The following TMIGD3 variants were observed in gnomAD, a reference collection of about 807,000 sequenced individuals.
The protein encoded by TMIGD3 is transmembrane and immunoglobulin domain containing 3.
Under a neutral mutation model 28.1 loss-of-function variants are expected in TMIGD3, and 21 were observed. The observed-to-expected ratio is 0.75, with a 90% CI of 0.53 to 1.08. The LOEUF is 1.08. Ranked by LOEUF, TMIGD3 falls within the 50% of genes least tolerant of loss-of-function variation. TMIGD3 has a pLI of 0.00. For missense variants in TMIGD3, 416 were observed against 435.6 expected (o/e 0.96, Z 0.40); for synonymous variants, 151 against 162.1 (o/e 0.93, Z 0.52).
At chr1:111,500,119 A>C in intron 1 of TMIGD3, 1 of 1,614,112 alleles carries the variant, frequency 6.2e-7, no homozygotes, top group Non-Finnish European at 8.5e-7. Flanking sequence ...CATGTACAGC[A>C]CAAGCTGTGG....
intron 1 of TMIGD3, among the ~76,000 whole-genome samples, chr1:111,512,186 G>A (rs2100995356): frequency 6.6e-6 from 1 of 152,352 alleles, no homozygotes; most frequent in East Asian, 1.9e-4. Flanking sequence ...GTCAACCCAT[G>A]CTAGTGGGTA....
chr1:111,533,821 TG>T (rs1180378767), intron 1 of TMIGD3, among the ~76,000 whole-genome samples: 1 of 152,178 alleles, frequency 6.6e-6, no homozygotes, highest in Admixed American at 6.6e-5. Context: ...CCTAAAGTGC[TG>T]GGATTATAAG....
chr1:111,536,206 T>C (rs1656634876), intron 1 of TMIGD3, among the ~76,000 whole-genome samples: 1 of 151,280 alleles, frequency 6.6e-6, no homozygotes, highest in African/African-American at 2.4e-5. Context: ...GAAATAGGCC[T>C]AAAGAGTTGG....
At chr1:111,527,899 A>T (rs989489353) in intron 1 of TMIGD3, among the ~76,000 whole-genome samples, 1 of 146,858 alleles carries the variant, frequency 6.8e-6, no homozygotes, top group Non-Finnish European at 1.5e-5. Flanking sequence ...TTTGGATAAC[A>T]GTCTCCTGTA....
At chr1:111,524,092 C>G (rs1229637942) in intron 1 of TMIGD3, among the ~76,000 whole-genome samples, 2 of 143,152 alleles carry the variant, frequency 1.4e-5, no homozygotes, top group African/African-American at 5.2e-5. Context: ...TGCAGTGGCG[C>G]GATCTCGGCT....
chr1:111,563,561 A>G (rs2101050391), intron 1 of TMIGD3, among the ~76,000 whole-genome samples: 1 of 152,320 alleles, frequency 6.6e-6, no homozygotes, highest in East Asian at 1.9e-4. Flanking sequence ...TCAGTGATCG[A>G]AGGTGTAGGG....
upstream of TMIGD3, among the ~76,000 whole-genome samples, chr1:111,507,779 C>A (rs1655560255): frequency 6.6e-6 from 1 of 152,224 alleles, no homozygotes; most frequent in African/African-American, 2.4e-5. Context: ...TCCCCAAAGC[C>A]TTACATTTTT....
chr1:111,500,129 G>A (rs1655089707), intron 1 of TMIGD3: 1 of 1,613,970 alleles, frequency 6.2e-7, no homozygotes, highest in Non-Finnish European at 8.5e-7. Flanking sequence ...ACAAGCTGTG[G>A]TACCTCACCA....
Position 111,488,883 on chromosome 1 carries a change from G to C in TMIGD3, c.599C>G (p.Ala200Gly). ...ATGATTGGTGCTGTTAGGGGAGAAG[G>C]CGATGATGTTGCAGTAGTCACGGAA... ...GYFRDYCNII[A>G]FSPNSTNHVA... Residue 200 changes from alanine to glycine, a missense_variant, in exon 3 of 6, where the codon GCC becomes GGC. By Grantham distance (60) the Ala-to-Gly change is moderately conservative. Coordinates refer to ENST00000369716, the MANE Select transcript of TMIGD3 (RefSeq NM_020683.7). The C allele has an allele frequency of 6.2e-7, 1 of 1,614,218 alleles. No individual in the cohort carries two copies. The highest frequency in any genetic ancestry group is 1.1e-5 in the South Asian group (1 of 91,080).
intron 1 of TMIGD3, among the ~76,000 whole-genome samples, chr1:111,563,153 T>C (rs1657810380): frequency 6.6e-6 from 1 of 152,170 alleles, no homozygotes; most frequent in Admixed American, 6.6e-5. Context: ...CATGTGCCTG[T>C]AGTTCCAGCT....
intron 1 of TMIGD3, among the ~76,000 whole-genome samples, chr1:111,521,761 A>G (rs1656067811): frequency 1.3e-5 from 2 of 152,126 alleles, no homozygotes; most frequent in Admixed American, 6.5e-5. Context: ...AGGACAAAAG[A>G]TTTCATCTTT....
chr1:111,503,022 C>G lies in TMIGD3; in HGVS notation c.333G>C (p.Arg111=), dbSNP rs142571417. ...CAGGCTACCTGACGGTAAGCTTGAC[C>G]CGCAAGTATCGGTCCACAGCGATGG... ...LLAIAVDRYL[R]VKLTVRFRIP... Residue 111 remains arginine (R), a synonymous_variant, in exon 1 of 6, where the codon CGG becomes CGC. Transcript: ENST00000369716. 1 of 1,614,050 alleles carries G rather than the reference C, an allele frequency of 6.2e-7. No individual in the cohort carries two copies. The highest frequency in any genetic ancestry group is 1.3e-5 in the African/African-American group (1 of 75,052).
At chr1:111,503,917 C>T (rs760057503), upstream of TMIGD3, 427 of 985,198 alleles carry the variant, frequency 4.3e-4, 2 homozygotes, top group Middle Eastern at 1.0e-3. Flanking sequence ...CAGGTGGGAG[C>T]AGAGCTGGAA....
chr1:111,507,267 T>A (rs74112306), upstream of TMIGD3, among the ~76,000 whole-genome samples: 12,008 of 151,742 alleles, frequency 0.079, 501 homozygotes, highest in East Asian at 0.11. Context: ...ATTTTTTTTT[T>A]AATTAAAAAT....
intron 1 of TMIGD3, among the ~76,000 whole-genome samples, chr1:111,553,113 T>G (rs777065147): frequency 1.3e-5 from 2 of 152,242 alleles, no homozygotes; most frequent in Non-Finnish European, 2.9e-5. Flanking sequence ...TAATTTCTCA[T>G]GTTTCTTCCC....
rs71580580 is a variant in TMIGD3 at position 111,527,006 on chromosome 1, C to CTTTTTTTTT, written c.108-36253_108-36245dup. Among the ~76,000 whole-genome samples, 110 of 87,726 alleles carry CTTTTTTTTT rather than the reference C, an allele frequency of 1.3e-3. 3 individuals are homozygous for CTTTTTTTTT. Among genetic ancestry groups the CTTTTTTTTT allele is most frequent in the East Asian group, 2.1e-3 (5 of 2,366 alleles). The allele number at this position is 87,726 out of a possible 152,430, so 57.6% of individuals were successfully genotyped here. ...ATATACATTTAAGTTTCCTCAATGT[C>CTTTTTTTTT]TTTTTTTTTTTTTTTTTTTTTTGAG... On this transcript the variant is annotated intron_variant, in intron 1 of 5. Coordinates refer to the TMIGD3 transcript ENST00000369717.
chr1:111,560,700 G>A (rs13375429), intron 1 of TMIGD3, among the ~76,000 whole-genome samples: 11,384 of 151,874 alleles, frequency 0.075, 1,215 homozygotes, highest in African/African-American at 0.23. Context: ...CTTTGTTGCC[G>A]GAGCTGGTTT....
At chr1:111,561,934 C>T (rs901542172) in intron 1 of TMIGD3, among the ~76,000 whole-genome samples, 2 of 152,160 alleles carry the variant, frequency 1.3e-5, no homozygotes, top group East Asian at 1.9e-4. Context: ...CCTCTCCCTA[C>T]TGCATTTACC....
intron 1 of TMIGD3, among the ~76,000 whole-genome samples, chr1:111,532,567 A>G (rs374473970): frequency 4.6e-5 from 7 of 152,212 alleles, no homozygotes; most frequent in East Asian, 3.8e-4. Context: ...AGACAGGAGA[A>G]TCGCTTGAGG....
Sources: gnomAD v4.1 joint callset for allele counts (sites outside exome capture counted in the v4.1 genomes callset) on GRCh38, gnomAD v4.1.1 for gene constraint, MANE v1.5 for transcripts, NCBI Gene and HGNC (gene_info 2026-07-23, HGNC 2026-07-21) for gene names.